The following FOXO1 variants were observed in gnomAD, a reference collection of about 807,000 sequenced individuals.
The protein encoded by FOXO1 is forkhead box protein O1.
In FOXO1, 6 loss-of-function variants were observed where a neutral mutation model predicts 44.1. That is an observed-to-expected ratio of 0.14 (90% CI 0.07 to 0.27). The LOEUF (loss-of-function observed/expected upper bound fraction) is 0.27. FOXO1 is among the 10% of genes least tolerant of loss of function. The probability of loss-of-function intolerance (pLI) is 1.00; values close to 1 mark genes in which losing one functional copy is unlikely to be tolerated. For missense variants in FOXO1, 737 were observed against 888.8 expected, an observed-to-expected ratio of 0.83 and a Z score of 2.17; for synonymous variants, 380 against 362.7, an observed-to-expected ratio of 1.05 and a Z score of -0.54.
chr13:40,565,962 CTT>C (rs1874252686), intron 1 of FOXO1, among the ~76,000 whole-genome samples: 2 of 152,198 alleles, frequency 1.3e-5, no homozygotes, highest in African/African-American at 4.8e-5. Context: ...TCATTTTTCT[CTT>C]GACACTAGAT....
In FOXO1 at chr13:40,660,753, C is replaced by T. The variant is rs191397156; in HGVS notation, c.630+4830G>A. Among the ~76,000 whole-genome samples the T allele has an allele frequency of 2.9e-3, 435 of 152,178 alleles. 1 individual carries two copies. Among genetic ancestry groups the T allele is most frequent in the Non-Finnish European group, 5.3e-3 (360 of 68,016 alleles). On this transcript the variant is annotated intron_variant, in intron 1 of 2. Coordinates refer to ENST00000379561, the MANE Select transcript of FOXO1 (RefSeq NM_002015.4). ...CAAGTTTACATGAGAATTAAAATGC[C>T]TTATTTTCAATAGTCAAGTGTTTGT...
At chr13:40,589,515 A>T (rs1261290830) in intron 1 of FOXO1, among the ~76,000 whole-genome samples, 5 of 152,250 alleles carry the variant, frequency 3.3e-5, no homozygotes, top group Admixed American at 1.3e-4. Context: ...AGTCAAATTC[A>T]AGGATCTGTG....
chr13:40,652,457 C>T (rs1214464818), intron 1 of FOXO1, among the ~76,000 whole-genome samples: 1 of 152,004 alleles, frequency 6.6e-6, no homozygotes, highest in Non-Finnish European at 1.5e-5. Context: ...AGGCTGGTAT[C>T]GAACTCCTAA....
intron 1 of FOXO1, among the ~76,000 whole-genome samples, chr13:40,583,187 G>A (rs1359874182): frequency 6.6e-6 from 1 of 152,172 alleles, no homozygotes; most frequent in Non-Finnish European, 1.5e-5. Flanking sequence ...GGTCTCAACT[G>A]TGGGCTTAAA....
chr13:40,567,365 T>C (rs1874310409), intron 1 of FOXO1, among the ~76,000 whole-genome samples: 1 of 152,158 alleles, frequency 6.6e-6, no homozygotes, highest in Non-Finnish European at 1.5e-5. Flanking sequence ...AGTTTACTGC[T>C]GTCAATACAT....
intron 1 of FOXO1, among the ~76,000 whole-genome samples, chr13:40,623,162 A>G (rs1876671853): frequency 6.6e-6 from 1 of 152,208 alleles, no homozygotes; most frequent in African/African-American, 2.4e-5. Context: ...GGAAAGAAAA[A>G]CAAAACTGGC....
chr13:40,578,111 T>C (rs1874829505), intron 1 of FOXO1, among the ~76,000 whole-genome samples: 1 of 152,146 alleles, frequency 6.6e-6, no homozygotes, highest in African/African-American at 2.4e-5. Flanking sequence ...GCACGCAAAG[T>C]TGAACATTAA....
intron 1 of FOXO1, among the ~76,000 whole-genome samples, chr13:40,637,300 C>T (rs1228383794): frequency 2.6e-5 from 4 of 151,880 alleles, no homozygotes; most frequent in African/African-American, 9.7e-5. Context: ...AAAAATTAGC[C>T]GGGCATGGTG....
intron 1 of FOXO1, among the ~76,000 whole-genome samples, chr13:40,631,553 G>A (rs1351794820): frequency 1.3e-5 from 2 of 152,174 alleles, no homozygotes; most frequent in Admixed American, 6.5e-5. Flanking sequence ...ACACCCAAAA[G>A]GTGTCCATTG....
chr13:40,643,506 C>A (rs1177978914), intron 1 of FOXO1, among the ~76,000 whole-genome samples: 3 of 152,010 alleles, frequency 2.0e-5, no homozygotes, highest in Non-Finnish European at 4.4e-5. Flanking sequence ...AGTTGATATA[C>A]AATTTTATAT....
chr13:40,631,187 C>T (rs909564592), intron 1 of FOXO1, among the ~76,000 whole-genome samples: 1 of 152,092 alleles, frequency 6.6e-6, no homozygotes, highest in African/African-American at 2.4e-5. Context: ...GGGATCCCTG[C>T]GAAAAGTATT....
At chr13:40,625,734 T>TA (rs1876766694) in intron 1 of FOXO1, among the ~76,000 whole-genome samples, 1 of 151,856 alleles carries the variant, frequency 6.6e-6, no homozygotes, top group Admixed American at 6.6e-5. Flanking sequence ...CATAAGGCAA[T>TA]AAGCACTCTA....
Position 40,560,372 on chromosome 13 carries a change from A to G in FOXO1, c.1119T>C (p.Asn373=), listed in dbSNP as rs1489621930. ...SEISNPENME[N]LLDNLNLLSS... is the part of the protein sequence containing the mutation. The stretch of plus-strand genomic sequence containing the variant: ...AGAGAAGGTTGAGATTATCCAAAAG[A>G]TTTTCCATGTTTTCGGGATTGCTTA... The change falls in exon 2 of 3, where the codon AAT becomes AAC. Residue 373 remains asparagine (N), a synonymous_variant. Transcript: ENST00000379561. This position sits in a 1 kb window ranked among gnomAD's most constrained non-coding sequence, Gnocchi z 5.1. 3 of 1,614,054 alleles carry G rather than the reference A, an allele frequency of 1.9e-6. No individual in the cohort carries two copies. The highest frequency in any genetic ancestry group is 1.7e-5 in the Admixed American group (1 of 60,014).
intron 1 of FOXO1, among the ~76,000 whole-genome samples, chr13:40,584,230 G>A (rs1031620999): frequency 1.3e-5 from 2 of 151,920 alleles, no homozygotes; most frequent in African/African-American, 4.8e-5. Flanking sequence ...CCTTGAGAAA[G>A]GCTGAATAAC....
At chr13:40,665,528 C>T in intron 1 of FOXO1, 55 bp downstream of exon 1, 2 of 1,319,070 alleles carry the variant, frequency 1.5e-6, no homozygotes, top group South Asian at 4.7e-5. Flanking sequence ...CACAGCTGCG[C>T]CCTCGCCTGA....
intron 1 of FOXO1, among the ~76,000 whole-genome samples, chr13:40,615,528 A>AATACATACATACATAC (rs56390235): frequency 5.0e-5 from 7 of 139,706 alleles, no homozygotes; most frequent in African/African-American, 1.3e-4. Context: ...CTCCATCTCA[A>AATACATACATACATAC]ATACATACAT....
chr13:40,568,244 T>A (rs377764116), intron 1 of FOXO1, among the ~76,000 whole-genome samples: 14 of 152,324 alleles, frequency 9.2e-5, no homozygotes, highest in African/African-American at 3.4e-4. Context: ...GAACTCATTG[T>A]CCCAGAAATT....
intron 1 of FOXO1, among the ~76,000 whole-genome samples, chr13:40,564,929 A>T (rs1427547469): frequency 8.1e-6 from 1 of 123,006 alleles, no homozygotes; most frequent in Admixed American, 8.5e-5. Flanking sequence ...TGACCCAATG[A>T]GCTCCACAGA....
intron 1 of FOXO1, among the ~76,000 whole-genome samples, chr13:40,615,681 C>T (rs1876400754): frequency 6.6e-6 from 1 of 151,978 alleles, no homozygotes; most frequent in African/African-American, 2.4e-5. Context: ...TCTGAGTGAG[C>T]GAGGTGAGGT....
Sources: gnomAD v4.1 joint callset for allele counts (sites outside exome capture counted in the v4.1 genomes callset) on GRCh38, gnomAD v4.1.1 for gene constraint, Gnocchi (gnomAD v3.1) non-coding constraint, MANE v1.5 for transcripts, NCBI Gene and HGNC (gene_info 2026-07-23, HGNC 2026-07-21) for gene names.